ADCY3: variants seen among roughly 807,000 people sequenced by gnomAD.
The protein encoded by ADCY3 is adenylate cyclase type 3.
A neutral mutation model predicts 119.4 loss-of-function variants in ADCY3; 70 were observed. The observed-to-expected ratio is 0.59, with a 90% CI of 0.48 to 0.72. ADCY3 has a LOEUF of 0.72. Among genes scored for constraint, ADCY3 ranks in the 30% least tolerant of loss-of-function variants. The probability of loss-of-function intolerance (pLI) is 0.00; values close to 1 mark genes in which losing one functional copy is unlikely to be tolerated. For synonymous variants in ADCY3, 672 were observed against 621.4 expected (o/e 1.08, Z -1.21); for missense variants, 1,238 against 1,541.6 (o/e 0.80, Z 3.30).
chr2:24,868,769 C>A lies in ADCY3; in HGVS notation c.825+3801G>T, dbSNP rs996376051. On this transcript the variant is annotated intron_variant, in intron 3 of 21. Transcript: ENST00000679454. ...CGGTGGCTCACGCCTGTAATCCCAG[C>A]ACTTTGGGAGACTGAGGCAGGCAGA... 7.9e-5 allele frequency among the ~76,000 whole-genome samples: 12 copies of A among 152,106 alleles called. No individual in the cohort carries two copies. The East Asian group carries it at 2.3e-3, about 29-fold the overall frequency.
At chr2:24,902,361 G>A (rs951439288) in intron 2 of ADCY3, among the ~76,000 whole-genome samples, 2 of 152,040 alleles carry the variant, frequency 1.3e-5, no homozygotes, top group Non-Finnish European at 2.9e-5. Context: ...GATTATAGAC[G>A]TGAGCCACCT....
chr2:24,845,014 A>T (rs953508942), intron 3 of ADCY3, among the ~76,000 whole-genome samples: 20 of 151,968 alleles, frequency 1.3e-4, no homozygotes, highest in Non-Finnish European at 2.9e-4. Context: ...CTTTTTGCTC[A>T]TTTTCTCTTG....
In ADCY3 at chr2:24,834,507, C is replaced by G; in HGVS notation, c.1945G>C (p.Val649Leu). 1 of 1,612,630 alleles carries G rather than the reference C, an allele frequency of 6.2e-7. No individual in the cohort carries two copies. The highest frequency in any genetic ancestry group is 1.1e-5 in the South Asian group (1 of 91,012). ...CACCAGGGGTCGATGAGTATCTCGA[C>G]CAGGGCCGTGCAGAGCAGGACGACG... ...SCVVLLCTAL[V>L]EILIDPWLMT... Residue 649 changes from valine (V) to leucine (L), a missense_variant, in exon 11 of 22, where the codon GTC (valine) becomes CTC (leucine). This residue lies in a region of ADCY3 where 499 missense variants were observed against 571.0 expected (regional missense o/e 0.87). Transcript: ENST00000679454. The surrounding 1 kb of genome is among the most constrained non-coding windows in gnomAD (Gnocchi z 4.2).
chr2:24,873,281 C>T (rs1236687525), intron 2 of ADCY3, among the ~76,000 whole-genome samples: 4 of 152,214 alleles, frequency 2.6e-5, no homozygotes, highest in Non-Finnish European at 5.9e-5. Flanking sequence ...TTACCTTACA[C>T]ATGTGTCATA....
Position 24,841,217 on chromosome 2 carries a change from C to A in ADCY3, c.1196+42G>T. The stretch of plus-strand genomic sequence containing the variant: ...CTTCTCCCTGGGTCCAGGGCCGGGG[C>A]CCTTGCTCTGGGAGCCTCCCTCCCA... On this transcript the variant is annotated intron_variant, in intron 6 of 21. Coordinates refer to ENST00000679454, the MANE Select transcript of ADCY3 (RefSeq NM_004036.5). This position sits in a 1 kb window ranked among gnomAD's most constrained non-coding sequence, Gnocchi z 5.8. 6.5e-7 allele frequency: 1 copy of A among 1,528,578 alleles called. No homozygotes were observed. Among genetic ancestry groups the A allele is most frequent in the Non-Finnish European group, 8.8e-7 (1 of 1,136,260 alleles). The allele number at this position is 1,528,578 out of a possible 1,614,324, so 94.7% of individuals were successfully genotyped here. A position where few individuals can be genotyped will look rare whatever the true frequency, so the allele number is the denominator to read the frequency against.
chr2:24,822,648 G>T lies in ADCY3; in HGVS notation c.2884-18C>A, dbSNP rs76847777. ...TCCAGGAGCTGAGGCCAGGATTCAG[G>T]AAAGAATTGTCAGCAGTCAAGGGAG... On this transcript the variant is annotated intron_variant, in intron 18 of 21. Transcript: ENST00000679454. The T allele has an allele frequency of 2.5e-4, 400 of 1,612,790 alleles. No homozygotes were observed. The highest frequency in any genetic ancestry group is 3.1e-4 in the Non-Finnish European group (371 of 1,178,918).
Position 24,827,547 on chromosome 2 carries a change from T to G in ADCY3, c.2494A>C (p.Arg832=). ...GFNPGLNGTD[R]LPLVPSKYSM... Reference sequence around the variant, plus strand: ...AGGAGGGGAAGCCGTGGCCCTTACCTGTCAGTGCCATTGAGCCCAGGGTTG... The same window carrying G: ...AGGAGGGGAAGCCGTGGCCCTTACCGGTCAGTGCCATTGAGCCCAGGGTTG... The change falls in exon 15 of 22, where the codon AGG becomes CGG. Residue 832 remains arginine (R), a splice_region_variant and synonymous_variant. Transcript: ENST00000679454. 2 of 1,584,652 alleles carry G rather than the reference T, an allele frequency of 1.3e-6. No homozygotes were observed. The highest frequency in any genetic ancestry group is 1.7e-6 in the Non-Finnish European group (2 of 1,162,376).
chr2:24,821,770 C>G (rs1269671926), intron 19 of ADCY3, 130 bp from the exon 20 acceptor site: 2 of 1,394,070 alleles, frequency 1.4e-6, no homozygotes, highest in Non-Finnish European at 1.9e-6. Flanking sequence ...CTTTTCCTCC[C>G]ACAAAGGAGT....
At chr2:24,857,189 G>T (rs1399109586) in intron 3 of ADCY3, among the ~76,000 whole-genome samples, 1 of 152,214 alleles carries the variant, frequency 6.6e-6, no homozygotes, top group Non-Finnish European at 1.5e-5. Context: ...CTGGTCACTG[G>T]CCTGGTCTCC....
At chr2:24,912,832 G>A (rs1663953322) in intron 2 of ADCY3, among the ~76,000 whole-genome samples, 3 of 152,160 alleles carry the variant, frequency 2.0e-5, no homozygotes, top group Admixed American at 6.5e-5. Context: ...GACAAACTGG[G>A]AAAGCTCTGT....
intron 2 of ADCY3, among the ~76,000 whole-genome samples, chr2:24,911,139 A>G (rs1291621614): frequency 6.6e-6 from 1 of 151,680 alleles, no homozygotes; most frequent in Non-Finnish European, 1.5e-5. Context: ...GCTCCTTCTA[A>G]TGCTTGTGGG....
Position 24,834,708 on chromosome 2 carries a change from G to GC in ADCY3, c.1806-63dup. 6.2e-7 allele frequency: 1 copy of GC among 1,603,286 alleles called. No individual in the cohort carries two copies. Among genetic ancestry groups the GC allele is most frequent in the Non-Finnish European group, 8.5e-7 (1 of 1,171,586 alleles). On this transcript the variant is annotated intron_variant, in intron 10 of 21. Transcript: ENST00000679454. This position sits in a 1 kb window ranked among gnomAD's most constrained non-coding sequence, Gnocchi z 4.2. ...ACATCTGCCTTGGCCTAGCAGGGGGGCCGTATTTGGGATGCTCAGTTTCCT... is the reference window on the plus strand; with the variant it reads ...ACATCTGCCTTGGCCTAGCAGGGGGGCCCGTATTTGGGATGCTCAGTTTCCT...
Position 24,842,322 on chromosome 2 carries a change from C to A in ADCY3, c.888G>T (p.Lys296Asn). 1.2e-6 allele frequency: 2 copies of A among 1,614,160 alleles called. No individual in the cohort carries two copies. The highest frequency in any genetic ancestry group is 1.7e-6 in the Non-Finnish European group (2 of 1,180,044). Residue 296 changes from lysine to asparagine, a missense_variant, in exon 4 of 22, where the codon AAG becomes AAT. By Grantham distance (94) the Lys-to-Asn change is moderately conservative (BLOSUM62 0). Around this residue, in one of 7 missense-constraint regions of ADCY3, gnomAD observed 283 missense variants for 437.2 expected, o/e 0.65. Transcript: ENST00000679454. This position sits in a 1 kb window ranked among gnomAD's most constrained non-coding sequence, Gnocchi z 4.9. ...GCTGGTCCTTCTGGCTCTCGTCTTT[C>A]TTCATGTCTTTCAGCATCTCGTCAG... ...HVADEMLKDM[K>N]KDESQKDQQQ...
At chr2:24,907,024 G>A (rs969591685) in intron 2 of ADCY3, among the ~76,000 whole-genome samples, 8 of 152,094 alleles carry the variant, frequency 5.3e-5, no homozygotes, top group Non-Finnish European at 1.0e-4. Flanking sequence ...CCAGCTACTC[G>A]GAAGGCTGAG....
At chr2:24,820,534 A>T in intron 21 of ADCY3, 190 bp downstream of exon 21, 1 of 1,403,544 alleles carries the variant, frequency 7.1e-7, no homozygotes, top group South Asian at 1.5e-5. Flanking sequence ...GATTTTGTGG[A>T]TGGGTGGAAG....
chr2:24,830,928 G>A, intron 12 of ADCY3, 103 bp from the exon 13 acceptor site: 1 of 886,152 alleles, frequency 1.1e-6, no homozygotes. Context: ...AGTCCCAGGA[G>A]CCTCAAAACG....
intron 3 of ADCY3, among the ~76,000 whole-genome samples, chr2:24,856,902 G>A (rs1280887512): frequency 6.6e-6 from 1 of 152,208 alleles, no homozygotes; most frequent in Non-Finnish European, 1.5e-5. Context: ...CTGTAGGAAC[G>A]TAGAGGAGGG....
Position 24,822,430 on chromosome 2 carries a change from T to C in ADCY3, c.3003+81A>G, listed in dbSNP as rs1383251640. 4.5e-6 allele frequency: 7 copies of C among 1,571,400 alleles called. No individual in the cohort carries two copies. The Admixed American group carries it at 1.0e-4, about 23-fold the overall frequency. On this transcript the variant is annotated intron_variant, in intron 19 of 21. Transcript: ENST00000679454. ...GGACCACTTTGCACAGCAGTTCTTA[T>C]TTCCCCCATGCTAGGTCTGGGCTGC... is the stretch of plus-strand genomic sequence containing the variant.
chr2:24,841,239 C>T lies in ADCY3; in HGVS notation c.1196+20G>A. The T allele has an allele frequency of 1.3e-6, 2 of 1,545,860 alleles. No individual in the cohort carries two copies. Among genetic ancestry groups the T allele is most frequent in the Non-Finnish European group, 1.7e-6 (2 of 1,144,620 alleles). ...GGGCCCTTGCTCTGGGAGCCTCCCT[C>T]CCAGAGGCATCCCACTTACGAGATG... is the stretch of plus-strand genomic sequence containing the variant. On this transcript the variant is annotated intron_variant, in intron 6 of 21. Coordinates refer to ENST00000679454, the MANE Select transcript of ADCY3 (RefSeq NM_004036.5). This position sits in a 1 kb window ranked among gnomAD's most constrained non-coding sequence, Gnocchi z 5.8.
Sources: allele counts gnomAD v4.1 joint callset (sites outside exome capture counted in the v4.1 genomes callset), GRCh38; gene constraint gnomAD v4.1.1; regional missense constraint gnomAD v4.1.1; non-coding constraint Gnocchi (gnomAD v3.1); transcripts MANE v1.5; gene names NCBI Gene and HGNC (gene_info 2026-07-23, HGNC 2026-07-21).